VPS35L: variants seen among roughly 807,000 people sequenced by gnomAD.
The protein encoded by VPS35L is VPS35 endosomal protein sorting factor like.
VPS35L carries 83 observed loss-of-function variants against 133.0 expected under a neutral mutation model. That is an observed-to-expected ratio of 0.62 (90% CI 0.52 to 0.75). The LOEUF (loss-of-function observed/expected upper bound fraction) is 0.75. Among genes scored for constraint, VPS35L ranks in the 30% least tolerant of loss-of-function variants. The pLI is 0.00. For missense variants in VPS35L, 1,083 were observed against 1,206.8 expected, an observed-to-expected ratio of 0.90 and a Z score of 1.52; for synonymous variants, 423 against 449.9, an observed-to-expected ratio of 0.94 and a Z score of 0.76.
At chr16:19,663,669 C>CTTTTTTTTTTTTTTTTTT (rs59826351) in intron 26 of VPS35L, among the ~76,000 whole-genome samples, 3 of 63,914 alleles carry the variant, frequency 4.7e-5, no homozygotes, top group African/African-American at 7.2e-5. Flanking sequence ...GCAGTAATTT[C>CTTTTTTTTTTTTTTTTTT]TTTTTTTTTT....
intron 8 of VPS35L, among the ~76,000 whole-genome samples, chr16:19,597,297 A>T (rs927998954): frequency 6.6e-6 from 1 of 151,976 alleles, no homozygotes; most frequent in African/African-American, 2.4e-5. Context: ...CTTGAGCCCA[A>T]GAAGTTTGAG....
chr16:19,603,847 T>G (rs1388565987), intron 9 of VPS35L, among the ~76,000 whole-genome samples: 2 of 152,202 alleles, frequency 1.3e-5, no homozygotes, highest in African/African-American at 4.8e-5. Context: ...TTCTCCTGCC[T>G]CAGCCTCCCA....
chr16:19,677,463 C>T (rs185451601), intron 27 of VPS35L, among the ~76,000 whole-genome samples: 3 of 152,196 alleles, frequency 2.0e-5, no homozygotes, highest in South Asian at 2.1e-4. Context: ...GGAGAGTTCC[C>T]GAAGAAAGTG....
intron 8 of VPS35L, among the ~76,000 whole-genome samples, chr16:19,597,356 C>G (rs1486014927): frequency 2.7e-5 from 4 of 146,436 alleles, no homozygotes; most frequent in African/African-American, 5.3e-5. Context: ...AAAGTAAGAC[C>G]CTGTCTCAAA....
At chr16:19,635,921 C>T (rs1279436046) in intron 19 of VPS35L, among the ~76,000 whole-genome samples, 2 of 152,188 alleles carry the variant, frequency 1.3e-5, no homozygotes, top group Non-Finnish European at 2.9e-5. Flanking sequence ...AAGTGGCTCA[C>T]GCTTGTAATC....
Position 19,609,012 on chromosome 16 carries a change from T to C in VPS35L, c.920T>C (p.Leu307Pro). 3 of 1,613,754 alleles carry C rather than the reference T, an allele frequency of 1.9e-6. No homozygotes were observed. The highest frequency in any genetic ancestry group is 2.5e-6 in the Non-Finnish European group (3 of 1,179,784). Residue 307 changes from leucine to proline, a missense_variant, in exon 11 of 31, where the codon CTC (leucine) becomes CCC (proline). Coordinates refer to ENST00000417362, the MANE Select transcript of VPS35L (RefSeq NM_020314.7). ...TCCATCCTGAAATGTAACAAATTCC[T>C]CTCCAAAACGTAAGGCTCTTCGGTA... ...EASILKCNKF[L>P]SKTGISECLP...
chr16:19,564,866 G>A lies in VPS35L; in HGVS notation c.33G>A (p.Arg11=). The change falls in exon 2 of 31, where the codon AGG becomes AGA. Residue 11 remains arginine, a synonymous_variant. Transcript: ENST00000417362. MAVFPWHSRN[R]NYKAEFASCR... is the part of the protein sequence containing the mutation. The stretch of plus-strand genomic sequence containing the variant: ...TGTTTACCAGGCACTCCAGGAATAG[G>A]AACTACAAAGCTGAATTTGCATCAT... The A allele has an allele frequency of 6.2e-7, 1 of 1,613,324 alleles. No homozygotes were observed. The highest frequency in any genetic ancestry group is 8.5e-7 in the Non-Finnish European group (1 of 1,179,516).
At chr16:19,608,450 T>C in intron 10 of VPS35L, 176 bp downstream of exon 10, 3 of 551,270 alleles carry the variant, frequency 5.4e-6, no homozygotes, top group South Asian at 5.6e-5. Context: ...ACCCTTGGAC[T>C]CTTGCTCTTT....
chr16:19,570,876 TA>T lies in VPS35L; in HGVS notation c.285+1286del, dbSNP rs1567388775. Among the ~76,000 whole-genome samples, 100 of 77,520 alleles carry T rather than the reference TA, an allele frequency of 1.3e-3. 2 individuals are homozygous for T. Among genetic ancestry groups the T allele is most frequent in the African/African-American group, 6.4e-3 (84 of 13,062 alleles). The allele number at this position is 77,520 out of a possible 152,430, so 50.9% of individuals were successfully genotyped here. A position where few individuals can be genotyped will look rare whatever the true frequency, so the allele number is the denominator to read the frequency against. On this transcript the variant is annotated intron_variant, in intron 3 of 30. Transcript: ENST00000417362. ...ATATATATATATATATATATATATA[TA>T]TATATATATATATTTTTGAGATGAA... is the stretch of plus-strand genomic sequence containing the variant.
chr16:19,669,426 G>A (rs1001226207), intron 27 of VPS35L, 127 bp downstream of exon 27: 25 of 1,207,620 alleles, frequency 2.1e-5, no homozygotes, highest in Admixed American at 1.8e-4. Flanking sequence ...TTTCCAGTTA[G>A]GTATTTGAAT....
chr16:19,569,367 G>A (rs985753106), intron 2 of VPS35L, 57 bp from the exon 3 acceptor site: 5 of 1,580,824 alleles, frequency 3.2e-6, no homozygotes, highest in Non-Finnish European at 2.6e-6. Flanking sequence ...CCACTGGAGT[G>A]TTTCACTGGA....
chr16:19,588,353 A>T (rs58932375), intron 7 of VPS35L, among the ~76,000 whole-genome samples: 19,405 of 150,704 alleles, frequency 0.13, 1,524 homozygotes, highest in East Asian at 0.34. Flanking sequence ...TGCCCGGCTG[A>T]TTTTTGTATT....
intron 20 of VPS35L, among the ~76,000 whole-genome samples, chr16:19,638,367 G>T (rs1973684882): frequency 6.6e-6 from 1 of 152,208 alleles, no homozygotes; most frequent in African/African-American, 2.4e-5. Flanking sequence ...GGAAGTAGGA[G>T]TTATCACTGT....
At chr16:19,692,609 G>T (rs999862261) in intron 29 of VPS35L, among the ~76,000 whole-genome samples, 6 of 151,960 alleles carry the variant, frequency 3.9e-5, no homozygotes, top group African/African-American at 1.2e-4. Flanking sequence ...TGTTGCCCAG[G>T]CTGGAGTGCA....
chr16:19,691,457 C>T lies in VPS35L; in HGVS notation c.2632C>T (p.Leu878=). Residue 878 remains leucine, a synonymous_variant, in exon 29 of 31, where the codon CTG becomes TTG. Transcript: ENST00000417362. ...MAQILEHLKT[L]AKDEALKRQS... ...TCAGATCCTAGAGCATCTGAAAACCCTGGCCAAGGACGAGGTGGGTGCCCT... is the reference window on the plus strand; with the variant it reads ...TCAGATCCTAGAGCATCTGAAAACCTTGGCCAAGGACGAGGTGGGTGCCCT... The T allele has an allele frequency of 6.2e-7, 1 of 1,613,830 alleles. No individual in the cohort carries two copies. The highest frequency in any genetic ancestry group is 2.2e-5 in the East Asian group (1 of 44,872).
chr16:19,611,512 C>T (rs747578645), intron 12 of VPS35L, among the ~76,000 whole-genome samples: 3 of 152,060 alleles, frequency 2.0e-5, no homozygotes, highest in African/African-American at 7.2e-5. Flanking sequence ...AATCAGAAGG[C>T]GAGAACATGT....
At chr16:19,604,732 T>G (rs992204917) in intron 9 of VPS35L, among the ~76,000 whole-genome samples, 1 of 152,228 alleles carries the variant, frequency 6.6e-6, no homozygotes, top group Non-Finnish European at 1.5e-5. Context: ...TTTGTACTCA[T>G]TCTTTCCATT....
chr16:19,674,478 G>A (rs1974993549), intron 27 of VPS35L, among the ~76,000 whole-genome samples: 1 of 151,946 alleles, frequency 6.6e-6, no homozygotes, highest in South Asian at 2.1e-4. Flanking sequence ...TTTGTGCTGG[G>A]ATTACAGACA....
chr16:19,682,679 G>A (rs1231371641), intron 28 of VPS35L, among the ~76,000 whole-genome samples: 2 of 152,092 alleles, frequency 1.3e-5, no homozygotes, highest in Non-Finnish European at 2.9e-5. Context: ...CTGGCCAACA[G>A]AGCCAAACCC....
Sources: gnomAD v4.1 joint callset for allele counts (sites outside exome capture counted in the v4.1 genomes callset) on GRCh38, gnomAD v4.1.1 for gene constraint, MANE v1.5 for transcripts, NCBI Gene and HGNC (gene_info 2026-07-23, HGNC 2026-07-21) for gene names.